The following FRY variants were observed in gnomAD, a reference collection of about 807,000 sequenced individuals.
FRY encodes the protein FRY microtubule binding protein.
In FRY, 128 loss-of-function variants were observed where a neutral mutation model predicts 348.4. The ratio of observed to expected loss-of-function variants is 0.37; its 90% CI spans 0.32 to 0.43. The LOEUF is 0.43. Ranked by LOEUF, FRY falls within the 20% of genes least tolerant of loss-of-function variation. FRY has a pLI of 1.00. For synonymous variants in FRY, 1,370 were observed against 1,374.7 expected (o/e 1.00, Z 0.08); for missense variants, 2,736 against 3,695.2 (o/e 0.74, Z 6.73).
chr13:32,173,607 G>A (rs55654055), intron 19 of FRY, 58 bp downstream of exon 19: 29,520 of 1,253,140 alleles, frequency 0.024, 422 homozygotes, highest in Non-Finnish European at 0.03. Context: ...CTGAAATTTA[G>A]ATTAAAAACT....
intron 14 of FRY, among the ~76,000 whole-genome samples, chr13:32,154,217 CAA>C (rs574498496): frequency 3.0e-4 from 45 of 152,196 alleles, no homozygotes; most frequent in African/African-American, 1.1e-3. Flanking sequence ...AAAGAACTAT[CAA>C]AAGAGGGAAC....
intron 1 of FRY, among the ~76,000 whole-genome samples, chr13:32,052,344 T>A (rs1175271593): frequency 6.6e-6 from 1 of 152,238 alleles, no homozygotes; most frequent in Non-Finnish European, 1.5e-5. Context: ...TTCTGAATAG[T>A]TTTCCATGTT....
At chr13:32,136,001 T>C (rs376742225) in intron 10 of FRY, among the ~76,000 whole-genome samples, 5 of 152,080 alleles carry the variant, frequency 3.3e-5, no homozygotes, top group African/African-American at 1.2e-4. Flanking sequence ...CACTCAATGG[T>C]AGCAGTAGTT....
chr13:32,111,832 A>G (rs1877985055), intron 3 of FRY, among the ~76,000 whole-genome samples: 1 of 152,202 alleles, frequency 6.6e-6, no homozygotes, highest in Admixed American at 6.5e-5. Context: ...TGATTCCAGA[A>G]TAGTCATGAG....
chr13:32,247,056 A>G (rs1886849218), intron 47 of FRY, among the ~76,000 whole-genome samples: 1 of 152,126 alleles, frequency 6.6e-6, no homozygotes, highest in African/African-American at 2.4e-5. Flanking sequence ...GAGGTGCCTC[A>G]TTACCATAAT....
At chr13:32,192,628 G>T (rs1465014291) in intron 28 of FRY, among the ~76,000 whole-genome samples, 2 of 151,882 alleles carry the variant, frequency 1.3e-5, no homozygotes, top group African/African-American at 4.8e-5. Flanking sequence ...TCCCACCTAG[G>T]CCCAAACCCT....
intron 1 of FRY, among the ~76,000 whole-genome samples, chr13:32,037,027 TACACAC>T (rs63370460): frequency 1.9e-3 from 185 of 99,596 alleles, no homozygotes; most frequent in East Asian, 5.1e-3. Flanking sequence ...CTCTCTGTTT[TACACAC>T]ACACACACAC....
intron 1 of FRY, among the ~76,000 whole-genome samples, chr13:32,078,474 C>G (rs1000272495): frequency 6.6e-6 from 1 of 152,082 alleles, no homozygotes; most frequent in Non-Finnish European, 1.5e-5. Context: ...CTTTTTTTCC[C>G]ATATATGTTT....
rs551383636 is a variant in FRY, at chr13:32,275,409, A to G, written c.8286+418A>G. 3.2e-4 allele frequency among the ~76,000 whole-genome samples: 48 copies of G among 152,132 alleles called. 1 individual carries two copies. The highest frequency in any genetic ancestry group is 1.1e-3 in the African/African-American group (47 of 41,466). On this transcript the variant is annotated intron_variant, in intron 56 of 60. Coordinates refer to ENST00000542859, the MANE Select transcript of FRY (RefSeq NM_023037.3). Reference sequence around the variant, plus strand: ...TCTCAAAAAATAAAAAAATAAAGATACCTTCAGTGTTGTGAGCAGCACTGT... The same window carrying G: ...TCTCAAAAAATAAAAAAATAAAGATGCCTTCAGTGTTGTGAGCAGCACTGT...
At chr13:32,189,252 A>G (rs1451249316) in intron 28 of FRY, among the ~76,000 whole-genome samples, 1 of 152,124 alleles carries the variant, frequency 6.6e-6, no homozygotes, top group Non-Finnish European at 1.5e-5. Context: ...TTTCAAACTG[A>G]TGTCTTCTCC....
At chr13:32,139,550 A>G (rs1230193101) in intron 11 of FRY, among the ~76,000 whole-genome samples, 1 of 152,166 alleles carries the variant, frequency 6.6e-6, no homozygotes, top group East Asian at 1.9e-4. Context: ...CAGGGTCAAC[A>G]CTCACTTAAT....
chr13:32,133,764 C>CTTTTTTTTTTTTTTTTTTTT (rs1259372646), intron 8 of FRY, among the ~76,000 whole-genome samples: 2 of 108,482 alleles, frequency 1.8e-5, no homozygotes, highest in African/African-American at 3.3e-5. Context: ...TTCTTTCTTT[C>CTTTTTTTTTTTTTTTTTTTT]TTTCTTTTTT....
chr13:32,070,998 G>T (rs1279401235), intron 1 of FRY, among the ~76,000 whole-genome samples: 3 of 152,132 alleles, frequency 2.0e-5, no homozygotes, highest in Non-Finnish European at 4.4e-5. Flanking sequence ...TTTTTGTCAG[G>T]TTTGTCAAAG....
At chr13:32,205,357 A>C (rs1172499422) in intron 31 of FRY, among the ~76,000 whole-genome samples, 1 of 152,216 alleles carries the variant, frequency 6.6e-6, no homozygotes, top group African/African-American at 2.4e-5. Flanking sequence ...GAATTCCCAG[A>C]GAGAAGTTGA....
chr13:32,295,026 G>A (rs951311644), intron 60 of FRY, among the ~76,000 whole-genome samples, 176 bp from the exon 61 acceptor site: 57 of 152,130 alleles, frequency 3.7e-4, no homozygotes, highest in Non-Finnish European at 1.8e-4. Flanking sequence ...GCACAACTCT[G>A]AAGATACTAA....
At chr13:32,281,439 T>C (rs1888801475) in intron 58 of FRY, among the ~76,000 whole-genome samples, 2 of 152,194 alleles carry the variant, frequency 1.3e-5, no homozygotes, top group South Asian at 2.1e-4. Flanking sequence ...ATGTCTAATA[T>C]GGCTTTAGGA....
At chr13:32,093,834 C>T (rs1008755822) in intron 2 of FRY, among the ~76,000 whole-genome samples, 7 of 152,150 alleles carry the variant, frequency 4.6e-5, no homozygotes, top group African/African-American at 1.2e-4. Context: ...CAAAGTTATG[C>T]TTTTTCAGAA....
At chr13:32,217,927 C>A (rs1365307597) in intron 35 of FRY, among the ~76,000 whole-genome samples, 1 of 152,156 alleles carries the variant, frequency 6.6e-6, no homozygotes, top group Admixed American at 6.5e-5. Flanking sequence ...ACCAGAGAGT[C>A]TTTCTGGTGA....
chr13:32,249,737 G>A (rs1478255095), intron 49 of FRY, 50 bp downstream of exon 49: 1 of 1,547,408 alleles, frequency 6.5e-7, no homozygotes. Flanking sequence ...GGGACCTGTT[G>A]AGTCCATGTG....
Sources: gnomAD v4.1 joint callset for allele counts (sites outside exome capture counted in the v4.1 genomes callset) on GRCh38, gnomAD v4.1.1 for gene constraint, MANE v1.5 for transcripts, NCBI Gene and HGNC (gene_info 2026-07-23, HGNC 2026-07-21) for gene names.